The following EPHB2 variants were observed in gnomAD, a reference collection of about 807,000 sequenced individuals.
EPHB2 encodes the protein EPH receptor B2.
In EPHB2, 18 loss-of-function variants were observed where a neutral mutation model predicts 96.4. That is an observed-to-expected ratio of 0.19 (90% CI 0.13 to 0.28). The LOEUF (loss-of-function observed/expected upper bound fraction) is 0.28, where lower values mean the gene tolerates loss of function less well. Ranked by LOEUF, EPHB2 falls within the 10% of genes least tolerant of loss-of-function variation. The pLI is 1.00. For missense variants in EPHB2, 989 were observed against 1,355.4 expected, an observed-to-expected ratio of 0.73 and a Z score of 4.25; for synonymous variants, 506 against 534.1, an observed-to-expected ratio of 0.95 and a Z score of 0.72.
chr1:22,911,473 C>T lies in EPHB2; in HGVS notation c.2696+898C>T, dbSNP rs545751039. ...TACTCACCATACACCCATCTGTGCCCCCACACTGAGTCAGCATCCCCATGC... is the reference window on the plus strand; with the variant it reads ...TACTCACCATACACCCATCTGTGCCTCCACACTGAGTCAGCATCCCCATGC... On this transcript the variant is annotated intron_variant, in intron 14 of 15. Transcript: ENST00000374630. Among the ~76,000 whole-genome samples, 22 of 152,278 alleles carry T rather than the reference C, an allele frequency of 1.4e-4. No individual in the cohort carries two copies. In the East Asian group the frequency reaches 4.1e-3, roughly 28 times the overall value.
At chr1:22,819,789 T>C (rs1460439329) in intron 3 of EPHB2, among the ~76,000 whole-genome samples, 1 of 150,170 alleles carries the variant, frequency 6.7e-6, no homozygotes, top group African/African-American at 2.5e-5. Flanking sequence ...ATCTAATGGC[T>C]TTTATTTGGA....
intron 5 of EPHB2, among the ~76,000 whole-genome samples, chr1:22,880,114 G>C (rs1395372408): frequency 6.6e-6 from 1 of 152,160 alleles, no homozygotes. Flanking sequence ...AGGCCTCAGA[G>C]ATCTTCTAGC....
At position 22,912,588 on chromosome 1, in the gene EPHB2, G is replaced by A. The variant is rs1292083996; in HGVS notation, c.2841G>A (p.Gln947=). ...AGFTSFDVVS[Q]MMMEDILRVG... ...TCACCTCCTTTGACGTCGTGTCTCA[G>A]ATGATGATGGAGTAAGTGCCCAGCC... The change falls in exon 15 of 16, where the codon CAG becomes CAA. Residue 947 remains glutamine (Q), a synonymous_variant. Transcript: ENST00000374630. The A allele has an allele frequency of 8.7e-6, 14 of 1,613,858 alleles. No homozygotes were observed. Among genetic ancestry groups the A allele is most frequent in the Non-Finnish European group, 1.2e-5 (14 of 1,180,022 alleles).
intron 5 of EPHB2, among the ~76,000 whole-genome samples, chr1:22,865,930 C>A (rs1039915009): frequency 3.9e-5 from 6 of 152,170 alleles, no homozygotes; most frequent in Non-Finnish European, 1.5e-5. Context: ...CTCCACCCCC[C>A]ACCCTTCTTT....
In EPHB2 at chr1:22,733,419, G is replaced by A. The variant is rs1643759671; in HGVS notation, c.61+22376G>A. Reference sequence around the variant, plus strand: ...CAAGACCCAAAGAGGATAAGGACCTGTGCAAAGTCACACAGTGATGAGTGA... The same window carrying A: ...CAAGACCCAAAGAGGATAAGGACCTATGCAAAGTCACACAGTGATGAGTGA... On this transcript the variant is annotated intron_variant, in intron 1 of 15. Coordinates refer to ENST00000374630, the MANE Select transcript of EPHB2 (RefSeq NM_017449.5). The surrounding 1 kb of genome is among the most constrained non-coding windows in gnomAD (Gnocchi z 4.6). Among the ~76,000 whole-genome samples the A allele has an allele frequency of 6.6e-6, 1 of 152,150 alleles. No homozygotes were observed. The highest frequency in any genetic ancestry group is 2.4e-5 in the African/African-American group (1 of 41,420).
chr1:22,836,725 C>G (rs1021819758), intron 3 of EPHB2: 3 of 152,808 alleles, frequency 2.0e-5, no homozygotes, highest in African/African-American at 7.2e-5. Context: ...GACCCCTGGC[C>G]TTTTGTAGCA....
chr1:22,794,303 T>G (rs1028409366), intron 3 of EPHB2, among the ~76,000 whole-genome samples: 10 of 151,916 alleles, frequency 6.6e-5, no homozygotes, highest in Admixed American at 2.6e-4. Flanking sequence ...AATGACGAGG[T>G]GCTTTCCTAT....
chr1:22,719,118 G>A (rs1416206372), intron 1 of EPHB2, among the ~76,000 whole-genome samples: 1 of 152,220 alleles, frequency 6.6e-6, no homozygotes, highest in East Asian at 1.9e-4. Flanking sequence ...AACTCATTAT[G>A]TTGTAAGGGG....
intron 13 of EPHB2, among the ~76,000 whole-genome samples, chr1:22,909,629 C>T (rs1232007989): frequency 3.3e-5 from 5 of 152,128 alleles, no homozygotes; most frequent in Non-Finnish European, 7.4e-5. Flanking sequence ...AAGTGGGGTT[C>T]GAAAGGTCGC....
At position 22,906,852 on chromosome 1, in the gene EPHB2, C is replaced by T. The variant is rs572806847; in HGVS notation, c.2031C>T (p.Phe677=). Reference sequence around the variant, plus strand: ...GCGAAGCCTCCATCATGGGCCAGTTCGACCATCCCAACGTCATCCACCTGG... The same window carrying T: ...GCGAAGCCTCCATCATGGGCCAGTTTGACCATCCCAACGTCATCCACCTGG... ...FLSEASIMGQ[F]DHPNVIHLEG... Residue 677 remains phenylalanine (F), a synonymous_variant, in exon 11 of 16, where the codon TTC becomes TTT. Coordinates refer to ENST00000374630, the MANE Select transcript of EPHB2 (RefSeq NM_017449.5). This position sits in a 1 kb window ranked among gnomAD's most constrained non-coding sequence, Gnocchi z 4.8. The T allele has an allele frequency of 7.4e-5, 119 of 1,614,186 alleles. No individual in the cohort carries two copies. The South Asian group carries it at 1.1e-3, about 15-fold the overall frequency.
At chr1:22,908,418 G>C (rs1033610167) in intron 12 of EPHB2, among the ~76,000 whole-genome samples, 9 of 152,264 alleles carry the variant, frequency 5.9e-5, no homozygotes, top group African/African-American at 2.2e-4. Flanking sequence ...GGCAGAGGAA[G>C]GCTTGCTAGA....
intron 1 of EPHB2, among the ~76,000 whole-genome samples, chr1:22,738,349 A>T (rs772674312): frequency 1.3e-5 from 2 of 152,318 alleles, no homozygotes; most frequent in Non-Finnish European, 2.9e-5. Context: ...TCAAGCATGT[A>T]GTGATGATAG....
intron 3 of EPHB2, among the ~76,000 whole-genome samples, chr1:22,811,176 A>G (rs555529072): frequency 3.1e-4 from 47 of 152,260 alleles, no homozygotes; most frequent in Non-Finnish European, 4.1e-4. Context: ...GAGGCCCCCA[A>G]TCCCATGTCT....
At chr1:22,755,997 G>A (rs1349000319) in intron 1 of EPHB2, among the ~76,000 whole-genome samples, 2 of 152,106 alleles carry the variant, frequency 1.3e-5, no homozygotes, top group Admixed American at 1.3e-4. Flanking sequence ...ATCATTGTGG[G>A]GATGCAGCCA....
chr1:22,716,023 TCA>T (rs1447949607), intron 1 of EPHB2, among the ~76,000 whole-genome samples: 1 of 152,186 alleles, frequency 6.6e-6, no homozygotes, highest in Non-Finnish European at 1.5e-5. Context: ...AGGCACCAGA[TCA>T]GCCTTCAGTG....
chr1:22,907,163 C>T (rs1639944801), intron 11 of EPHB2, among the ~76,000 whole-genome samples: 1 of 152,238 alleles, frequency 6.6e-6, no homozygotes, highest in Admixed American at 6.5e-5. Flanking sequence ...CAGAGGCAGT[C>T]CCAGAATTCT....
At position 22,811,083 on chromosome 1, in the gene EPHB2, C is replaced by T. The variant is rs190870217; in HGVS notation, c.811+26007C>T. On this transcript the variant is annotated intron_variant, in intron 3 of 15. Transcript: ENST00000374630. ...GACCTGGGTAAGTCCCTTGCCCTCCCTGAGCCTCTTTTTCTTCATTTGTAA... is the reference window on the plus strand; with the variant it reads ...GACCTGGGTAAGTCCCTTGCCCTCCTTGAGCCTCTTTTTCTTCATTTGTAA... 9.8e-5 allele frequency among the ~76,000 whole-genome samples: 15 copies of T among 152,288 alleles called. No homozygotes were observed. The East Asian group carries it at 2.9e-3, about 29-fold the overall frequency.
rs1640178210 is a variant in EPHB2, at chr1:22,913,540, G to A, written c.2931G>A (p.Gln977=). 1 of 1,614,222 alleles carries A rather than the reference G, an allele frequency of 6.2e-7. No homozygotes were observed. The highest frequency in any genetic ancestry group is 8.5e-7 in the Non-Finnish European group (1 of 1,180,036). ...ACAGTATCCAGGTGATGCGGGCGCA[G>A]ATGAACCAGATTCAGTCTGTGGAGG... ...ILNSIQVMRA[Q]MNQIQSVEV is the part of the protein sequence containing the mutation. The change falls in exon 16 of 16, where the codon CAG becomes CAA. Residue 977 remains glutamine (Q), a synonymous_variant. Coordinates refer to ENST00000374630, the MANE Select transcript of EPHB2 (RefSeq NM_017449.5). The surrounding 1 kb of genome is among the most constrained non-coding windows in gnomAD (Gnocchi z 4.1).
At chr1:22,817,413 G>T (rs753652226) in intron 3 of EPHB2, among the ~76,000 whole-genome samples, 3 of 152,198 alleles carry the variant, frequency 2.0e-5, no homozygotes, top group African/African-American at 4.8e-5. Context: ...ATTAGAACCC[G>T]CAGTTGCCTG....
Sources: gnomAD v4.1 joint callset for allele counts (sites outside exome capture counted in the v4.1 genomes callset) on GRCh38, gnomAD v4.1.1 for gene constraint, Gnocchi (gnomAD v3.1) non-coding constraint, MANE v1.5 for transcripts, NCBI Gene and HGNC (gene_info 2026-07-23, HGNC 2026-07-21) for gene names.